NLGN1: variants seen among roughly 807,000 people sequenced by gnomAD.
NLGN1 encodes neuroligin-1.
NLGN1 carries 12 observed loss-of-function variants against 65.5 expected under a neutral mutation model. The observed-to-expected ratio is 0.18, with a 90% CI of 0.12 to 0.30. NLGN1 has a LOEUF of 0.30. Among genes scored for constraint, NLGN1 ranks in the 10% least tolerant of loss-of-function variants. The pLI, the probability that NLGN1 is intolerant of heterozygous loss-of-function variation, is 1.00. For missense variants in NLGN1, 750 were observed against 1,007.1 expected, an observed-to-expected ratio of 0.74 and a Z score of 3.46; for synonymous variants, 350 against 359.5, an observed-to-expected ratio of 0.97 and a Z score of 0.30.
intron 4 of NLGN1, among the ~76,000 whole-genome samples, chr3:173,934,584 C>G (rs905737228): frequency 6.6e-5 from 10 of 151,888 alleles, no homozygotes; most frequent in African/African-American, 2.4e-4. Context: ...AGCTTTCTGG[C>G]CTTTTCTCAA....
chr3:173,489,255 C>T (rs1374753838), intron 2 of NLGN1, among the ~76,000 whole-genome samples: 1 of 151,678 alleles, frequency 6.6e-6, no homozygotes, highest in East Asian at 1.9e-4. Flanking sequence ...CCACAACAGG[C>T]CCCAGTGTGT....
At chr3:173,499,497 C>T (rs1395892110) in intron 2 of NLGN1, among the ~76,000 whole-genome samples, 1 of 151,814 alleles carries the variant, frequency 6.6e-6, no homozygotes, top group African/African-American at 2.4e-5. Context: ...GTGATGCCTC[C>T]AGCTTTGTTC....
intron 4 of NLGN1, among the ~76,000 whole-genome samples, chr3:173,968,520 T>C (rs1224263670): frequency 6.6e-6 from 1 of 151,882 alleles, no homozygotes; most frequent in Non-Finnish European, 1.5e-5. Context: ...TTGACAAAAA[T>C]ACTGGATGAG....
chr3:173,558,067 C>T (rs1488938533), intron 2 of NLGN1, among the ~76,000 whole-genome samples: 1 of 151,762 alleles, frequency 6.6e-6, no homozygotes, highest in Non-Finnish European at 1.5e-5. Flanking sequence ...GATACAGTTG[C>T]ATTGTCTTCT....
In NLGN1 at chr3:174,063,441, A is replaced by T. The variant is rs578257853; in HGVS notation, c.647-211874A>T. 2.0e-5 allele frequency among the ~76,000 whole-genome samples: 3 copies of T among 152,304 alleles called. No individual in the cohort carries two copies. The East Asian group carries it at 5.8e-4, about 29-fold the overall frequency. ...AGAGCACTGGAAATTATCAATTTTG[A>T]GATAAATAGAAGAGATAAACTTCTT... On this transcript the variant is annotated intron_variant, in intron 4 of 6. Transcript: ENST00000457714.
At chr3:173,480,418 G>A (rs568263) in intron 2 of NLGN1, among the ~76,000 whole-genome samples, 41,861 of 151,836 alleles carry the variant, frequency 0.28, 5,903 homozygotes, top group Middle Eastern at 0.37. Flanking sequence ...TTTAAAATAT[G>A]TTAAAGATGA....
At chr3:173,451,593 A>C (rs1372774609) in intron 2 of NLGN1, among the ~76,000 whole-genome samples, 1 of 152,172 alleles carries the variant, frequency 6.6e-6, no homozygotes, top group African/African-American at 2.4e-5. Flanking sequence ...AAGCTGTCAG[A>C]CAGGGACATT....
At chr3:173,843,252 G>A (rs2150688835) in intron 4 of NLGN1, among the ~76,000 whole-genome samples, 1 of 152,176 alleles carries the variant, frequency 6.6e-6, no homozygotes, top group East Asian at 1.9e-4. Flanking sequence ...TTTCCTCCTA[G>A]GCCTACGGCC....
chr3:173,775,811 T>TA (rs1780221179), intron 3 of NLGN1, among the ~76,000 whole-genome samples: 2 of 152,104 alleles, frequency 1.3e-5, no homozygotes, highest in Admixed American at 1.3e-4. Context: ...TAGGTCATTA[T>TA]AAAAATATAT....
At chr3:174,177,047 T>C (rs1270544703) in intron 4 of NLGN1, among the ~76,000 whole-genome samples, 1 of 149,548 alleles carries the variant, frequency 6.7e-6, no homozygotes, top group Non-Finnish European at 1.5e-5. Context: ...AATAAGGCTA[T>C]CATAAAACTA....
At position 174,279,503 on chromosome 3, in the gene NLGN1, C is replaced by T; in HGVS notation, c.1502C>T (p.Ala501Val). The change falls in exon 6 of 7, where the codon GCT becomes GTT. Residue 501 changes from alanine to valine, a missense_variant. Coordinates refer to ENST00000457714, the Ensembl canonical transcript of NLGN1. The surrounding 1 kb of genome is among the most constrained non-coding windows in gnomAD (Gnocchi z 4.7). ...CAAACAGATCAGGTTCCAGCTTGGG[C>T]TGATGCAGCCCACGGAGACGAGGTT... is the stretch of plus-strand genomic sequence containing the variant. 1 of 1,613,124 alleles carries T rather than the reference C, an allele frequency of 6.2e-7. No homozygotes were observed. Among genetic ancestry groups the T allele is most frequent in the Non-Finnish European group, 8.5e-7 (1 of 1,179,512 alleles).
At chr3:174,285,234 G>A (rs1471822235) in exon 7 of NLGN1, 1 of 151,464 alleles carries the variant, frequency 6.6e-6, no homozygotes, top group African/African-American at 2.4e-5. Flanking sequence ...AAATATGGCA[G>A]TCTTTTGATG....
chr3:173,730,660 G>A (rs1772672494), intron 3 of NLGN1, among the ~76,000 whole-genome samples: 1 of 151,964 alleles, frequency 6.6e-6, no homozygotes, highest in African/African-American at 2.4e-5. Flanking sequence ...TTTTCCATAT[G>A]AAATGAGAGT....
Position 173,904,371 on chromosome 3 carries a change from C to G in NLGN1, c.646+96539C>G, listed in dbSNP as rs1267316095. Reference sequence around the variant, plus strand: ...AAAGACAAACAACATAGGAAGATATCTCTAGGATCAAGGGGTTAGAATCTC... The same window carrying G: ...AAAGACAAACAACATAGGAAGATATGTCTAGGATCAAGGGGTTAGAATCTC... On this transcript the variant is annotated intron_variant, in intron 4 of 6. Coordinates refer to ENST00000457714, the Ensembl canonical transcript of NLGN1. Among the ~76,000 whole-genome samples the G allele has an allele frequency of 3.9e-5, 6 of 152,248 alleles. No homozygotes were observed. In the East Asian group the frequency reaches 1.2e-3, roughly 29 times the overall value.
intron 4 of NLGN1, among the ~76,000 whole-genome samples, chr3:174,255,603 A>G (rs185391423): frequency 6.8e-6 from 1 of 146,318 alleles, no homozygotes; most frequent in African/African-American, 2.7e-5. Context: ...AGGTTATTAT[A>G]GAACTAAGTC....
At chr3:173,406,918 T>C (rs983761444) in intron 1 of NLGN1, among the ~76,000 whole-genome samples, 2 of 152,176 alleles carry the variant, frequency 1.3e-5, no homozygotes, top group Non-Finnish European at 2.9e-5. Context: ...AAAATCCTTC[T>C]TTTTTATTTT....
chr3:174,108,070 G>C (rs990790689), intron 4 of NLGN1, among the ~76,000 whole-genome samples: 2 of 151,948 alleles, frequency 1.3e-5, no homozygotes, highest in Admixed American at 1.3e-4. Context: ...GAAGTTTACA[G>C]ATTTTTCTTT....
At chr3:174,170,326 A>G (rs1728290213) in intron 4 of NLGN1, among the ~76,000 whole-genome samples, 2 of 151,944 alleles carry the variant, frequency 1.3e-5, no homozygotes, top group Admixed American at 6.6e-5. Context: ...AAGCTTTTCT[A>G]GGAAGTTTTA....
At chr3:173,981,561 G>A (rs1489489282) in intron 4 of NLGN1, among the ~76,000 whole-genome samples, 1 of 152,076 alleles carries the variant, frequency 6.6e-6, no homozygotes, top group Admixed American at 6.6e-5. Flanking sequence ...TACATTTGTT[G>A]TTTAATAGCA....
Sources: allele counts gnomAD v4.1 joint callset (sites outside exome capture counted in the v4.1 genomes callset), GRCh38; gene constraint gnomAD v4.1.1; non-coding constraint Gnocchi (gnomAD v3.1); transcripts MANE v1.5; gene names NCBI Gene and HGNC (gene_info 2026-07-23, HGNC 2026-07-21).